DHX57: variants seen among roughly 807,000 people sequenced by gnomAD.
DHX57 encodes DExH-box helicase 57, also known as putative ATP-dependent RNA helicase DHX57.
In DHX57, 105 loss-of-function variants were observed where a neutral mutation model predicts 156.2. The observed-to-expected ratio is 0.67, with a 90% CI of 0.57 to 0.79. The LOEUF is 0.79. Among genes scored for constraint, DHX57 ranks in the 30% least tolerant of loss-of-function variants. The pLI, the probability that DHX57 is intolerant of heterozygous loss-of-function variation, is 0.00. For synonymous variants in DHX57, 704 were observed against 595.6 expected, an observed-to-expected ratio of 1.18 and a Z score of -2.65; for missense variants, 1,847 against 1,661.9, an observed-to-expected ratio of 1.11 and a Z score of -1.94.
chr2:38,852,200 T>A (rs1030442068), intron 9 of DHX57, among the ~76,000 whole-genome samples: 2 of 151,812 alleles, frequency 1.3e-5, no homozygotes, highest in African/African-American at 4.8e-5. Flanking sequence ...TCCTTTTTTT[T>A]TTTTCTTGCT....
chr2:38,822,918 GA>G, intron 17 of DHX57, 74 bp downstream of exon 17: 1 of 1,355,962 alleles, frequency 7.4e-7, no homozygotes, highest in Non-Finnish European at 9.6e-7. Flanking sequence ...ACATGCCCTT[GA>G]TTTCCCCCAT....
At chr2:38,872,030 C>G (rs1179437294) in intron 1 of DHX57, among the ~76,000 whole-genome samples, 3 of 152,112 alleles carry the variant, frequency 2.0e-5, no homozygotes, top group African/African-American at 7.2e-5. Context: ...CTTGCTATAA[C>G]TAACCCACTC....
intron 21 of DHX57, chr2:38,811,012 G>A (rs1572625350): frequency 8.4e-6 from 6 of 712,694 alleles, no homozygotes; most frequent in Admixed American, 3.6e-5. Context: ...TCTTGAAAAT[G>A]TTGGGGGTGT....
At position 38,861,312 on chromosome 2, in the gene DHX57, G is replaced by C. The variant is rs1283636830; in HGVS notation, c.1098C>G (p.Pro366=). The C allele has an allele frequency of 5.6e-6, 9 of 1,614,056 alleles. No homozygotes were observed. The highest frequency in any genetic ancestry group is 2.2e-5 in the South Asian group (2 of 91,056). The change falls in exon 5 of 24, where the codon CCC becomes CCG. Residue 366 remains proline, a synonymous_variant. Transcript: ENST00000457308. ...AAAATGCCACGAGCGGAGCTTGGTA[G>C]GGATATTTGTGGTCTTTAGAAAATC... is the stretch of plus-strand genomic sequence containing the variant. The part of the protein sequence containing the change: ...EIRFSKDHKY[P]YQAPLVAFYS...
chr2:38,835,289 C>A (rs577359082), intron 13 of DHX57, among the ~76,000 whole-genome samples: 81 of 152,310 alleles, frequency 5.3e-4, no homozygotes, highest in Admixed American at 4.8e-3. Context: ...TAGGCTAAAT[C>A]TACTCTTTTG....
chr2:38,816,921 T>C (rs921672685), intron 19 of DHX57, among the ~76,000 whole-genome samples: 1 of 152,150 alleles, frequency 6.6e-6, no homozygotes, highest in East Asian at 1.9e-4. Context: ...AAAAATTTAG[T>C]AGGAAATGTA....
chr2:38,825,105 G>T (rs78221815), intron 16 of DHX57, among the ~76,000 whole-genome samples: 1 of 152,020 alleles, frequency 6.6e-6, no homozygotes, highest in Non-Finnish European at 1.5e-5. Flanking sequence ...TTAGAGAAAA[G>T]TGCAACATAA....
At chr2:38,801,258 T>C (rs1669663040) in intron 23 of DHX57, among the ~76,000 whole-genome samples, 1 of 152,170 alleles carries the variant, frequency 6.6e-6, no homozygotes, top group African/African-American at 2.4e-5. Context: ...TTTCTTTTTT[T>C]GGGACAGAGT....
intron 5 of DHX57, 104 bp from the exon 6 acceptor site, chr2:38,858,940 G>A: frequency 2.6e-6 from 3 of 1,145,816 alleles, no homozygotes; most frequent in Non-Finnish European, 3.6e-6. Context: ...TCAAAATGGA[G>A]AAAAAGTGAA....
At chr2:38,840,336 A>G (rs1572671327) in intron 12 of DHX57, among the ~76,000 whole-genome samples, 1 of 152,164 alleles carries the variant, frequency 6.6e-6, no homozygotes, top group Admixed American at 6.5e-5. Flanking sequence ...AACATTATTT[A>G]ATTTTCTGAA....
At chr2:38,837,213 G>A (rs1671724152) in intron 13 of DHX57, among the ~76,000 whole-genome samples, 1 of 152,062 alleles carries the variant, frequency 6.6e-6, no homozygotes, top group Non-Finnish European at 1.5e-5. Flanking sequence ...TAACTATACT[G>A]TGCTAAGTGT....
chr2:38,851,968 A>G (rs6751387), intron 9 of DHX57, among the ~76,000 whole-genome samples: 1 of 152,146 alleles, frequency 6.6e-6, no homozygotes, highest in Non-Finnish European at 1.5e-5. Flanking sequence ...AGTTTCTACA[A>G]AAAGATTATT....
At chr2:38,858,129 A>G (rs6734584) in intron 6 of DHX57, among the ~76,000 whole-genome samples, 86,123 of 152,054 alleles carry the variant, frequency 0.57, 25,964 homozygotes, top group East Asian at 0.82. Flanking sequence ...TGGTGCAATC[A>G]TGGCTCACTG....
rs550145389 is a variant in DHX57, at chr2:38,840,213, G to A, written c.2426-2266C>T. 2.8e-3 allele frequency among the ~76,000 whole-genome samples: 421 copies of A among 152,094 alleles called. 1 individual carries two copies. The highest frequency in any genetic ancestry group is 5.1e-3 in the Non-Finnish European group (344 of 67,994). The stretch of plus-strand genomic sequence containing the variant: ...TCTGGCCTCAGCCGCTCAAAGTGCT[G>A]GGATTATAGGCATGAGCCACTGTGC... On this transcript the variant is annotated intron_variant, in intron 12 of 23. Transcript: ENST00000457308.
At chr2:38,834,347 A>G (rs918204259) in intron 13 of DHX57, among the ~76,000 whole-genome samples, 1 of 151,820 alleles carries the variant, frequency 6.6e-6, no homozygotes, top group Non-Finnish European at 1.5e-5. Context: ...AAAAAAAAAA[A>G]AAAAGTGGTA....
chr2:38,820,337 T>C (rs1007890232), intron 17 of DHX57, among the ~76,000 whole-genome samples: 3 of 152,016 alleles, frequency 2.0e-5, no homozygotes, highest in Non-Finnish European at 4.4e-5. Context: ...TTTTTTTTTT[T>C]TCTTCAGATC....
chr2:38,806,838 T>C (rs1244009733), intron 21 of DHX57, 145 bp from the exon 22 acceptor site: 2 of 872,932 alleles, frequency 2.3e-6, no homozygotes, highest in Non-Finnish European at 1.7e-6. Context: ...TTATTTTGTT[T>C]CCTTCTGAAA....
intron 20 of DHX57, among the ~76,000 whole-genome samples, chr2:38,814,794 C>T (rs1050651705): frequency 7.2e-5 from 11 of 151,926 alleles, no homozygotes; most frequent in Admixed American, 3.9e-4. Flanking sequence ...GCGATCTCGG[C>T]TCACCGCAAC....
chr2:38,806,448 T>C (rs3099968), intron 22 of DHX57, 111 bp downstream of exon 22: 282,513 of 1,122,416 alleles, frequency 0.25, 36,944 homozygotes, highest in Admixed American at 0.31. Context: ...CCTCAGTCAG[T>C]GGTATTGCTG....
Sources: gnomAD v4.1 joint callset for allele counts (sites outside exome capture counted in the v4.1 genomes callset) on GRCh38, gnomAD v4.1.1 for gene constraint, MANE v1.5 for transcripts, NCBI Gene and HGNC (gene_info 2026-07-23, HGNC 2026-07-21) for gene names.